SORCS1: variants seen among roughly 807,000 people sequenced by gnomAD.
SORCS1 encodes the protein sortilin related VPS10 domain containing receptor 1, also known as VPS10 domain-containing receptor SorCS1.
A neutral mutation model predicts 146.1 loss-of-function variants in SORCS1; 60 were observed. The ratio of observed to expected loss-of-function variants is 0.41; its 90% CI spans 0.33 to 0.51. The LOEUF (loss-of-function observed/expected upper bound fraction) is 0.51. Among genes scored for constraint, SORCS1 ranks in the 20% least tolerant of loss-of-function variants. The pLI, the probability that SORCS1 is intolerant of heterozygous loss-of-function variation, is 0.21. For missense variants in SORCS1, 1,352 were observed against 1,487.6 expected, an observed-to-expected ratio of 0.91 and a Z score of 1.50; for synonymous variants, 637 against 584.0, an observed-to-expected ratio of 1.09 and a Z score of -1.31.
At chr10:106,929,075 A>G (rs1953251878) in intron 2 of SORCS1, among the ~76,000 whole-genome samples, 1 of 152,196 alleles carries the variant, frequency 6.6e-6, no homozygotes, top group Non-Finnish European at 1.5e-5. Flanking sequence ...TCTCATAGGT[A>G]TGAAAGCAAT....
intron 9 of SORCS1, among the ~76,000 whole-genome samples, chr10:106,691,337 T>G (rs1423561841): frequency 1.3e-5 from 2 of 152,212 alleles, no homozygotes; most frequent in African/African-American, 4.8e-5. Flanking sequence ...AAAAGAATTG[T>G]TGCCTTTAAT....
chr10:106,962,394 C>CAAAAAAAAAA (rs60616146), intron 1 of SORCS1, among the ~76,000 whole-genome samples: 13 of 62,424 alleles, frequency 2.1e-4, no homozygotes, highest in Non-Finnish European at 2.5e-4. Flanking sequence ...AACTCCATCT[C>CAAAAAAAAAA]AAAAAAAAAA....
intron 2 of SORCS1, among the ~76,000 whole-genome samples, chr10:106,859,252 C>T (rs1320350512): frequency 6.6e-6 from 1 of 152,246 alleles, no homozygotes; most frequent in African/African-American, 2.4e-5. Context: ...GATTCCCTGG[C>T]ATTGTATCGT....
chr10:107,047,803 G>A (rs1171018100), intron 1 of SORCS1, among the ~76,000 whole-genome samples: 3 of 152,100 alleles, frequency 2.0e-5, no homozygotes, highest in Admixed American at 6.6e-5. Context: ...GAAGCTTGCC[G>A]GGTGCGTTGG....
At chr10:106,809,320 A>G (rs896352087) in intron 3 of SORCS1, among the ~76,000 whole-genome samples, 3 of 152,136 alleles carry the variant, frequency 2.0e-5, no homozygotes, top group African/African-American at 7.2e-5. Context: ...GGGACAGAAG[A>G]TGCCAGGGTT....
At chr10:106,944,874 C>T (rs61315046) in intron 2 of SORCS1, among the ~76,000 whole-genome samples, 4,758 of 35,840 alleles carry the variant, frequency 0.13, 422 homozygotes, top group African/African-American at 0.31. Flanking sequence ...AAAGAGCCTT[C>T]TTTTTTTTTT....
intron 1 of SORCS1, among the ~76,000 whole-genome samples, chr10:107,024,827 T>TA (rs974630989): frequency 1.7e-4 from 26 of 152,072 alleles, no homozygotes; most frequent in South Asian, 1.2e-3. Flanking sequence ...CATGGTCCTT[T>TA]AAAAAAAATG....
chr10:106,634,820 G>A (rs1848637549), intron 18 of SORCS1, among the ~76,000 whole-genome samples: 1 of 152,162 alleles, frequency 6.6e-6, no homozygotes, highest in Non-Finnish European at 1.5e-5. Flanking sequence ...GGAAAGTCTT[G>A]TGTATAATTA....
intron 1 of SORCS1, among the ~76,000 whole-genome samples, chr10:107,092,883 G>GAAAAAAAAAAA (rs34184443): frequency 4.9e-5 from 3 of 61,514 alleles, no homozygotes; most frequent in African/African-American, 6.2e-5. Flanking sequence ...AGAAGACCAT[G>GAAAAAAAAAAA]AAAAAAAAAA....
At chr10:106,904,825 T>C (rs1488615224) in intron 2 of SORCS1, among the ~76,000 whole-genome samples, 1 of 152,232 alleles carries the variant, frequency 6.6e-6, no homozygotes, top group Non-Finnish European at 1.5e-5. Context: ...ACTAGCAATG[T>C]TAATTTACTA....
At chr10:106,904,642 G>A (rs1468550018) in intron 2 of SORCS1, among the ~76,000 whole-genome samples, 2 of 152,178 alleles carry the variant, frequency 1.3e-5, no homozygotes, top group African/African-American at 2.4e-5. Flanking sequence ...ACAGCTACGT[G>A]GCGGAGTGCA....
intron 2 of SORCS1, among the ~76,000 whole-genome samples, chr10:106,898,067 T>C (rs1437879763): frequency 1.3e-5 from 2 of 152,180 alleles, no homozygotes; most frequent in African/African-American, 2.4e-5. Context: ...CTGGAAAACA[T>C]TGCCTGACGA....
chr10:106,765,305 C>T (rs1231682720), intron 4 of SORCS1, among the ~76,000 whole-genome samples: 2 of 152,072 alleles, frequency 1.3e-5, no homozygotes. Flanking sequence ...ACCCTCCACA[C>T]TGTCATTATG....
the SORCS1 span, among the ~76,000 whole-genome samples, chr10:107,176,109 T>C: frequency 1.3e-5 from 2 of 152,174 alleles, no homozygotes; most frequent in Non-Finnish European, 2.9e-5. Flanking sequence ...TCACACGTTT[T>C]GATATGACCC....
chr10:106,826,141 C>T (rs1346874914), intron 3 of SORCS1, among the ~76,000 whole-genome samples: 2 of 152,226 alleles, frequency 1.3e-5, no homozygotes, highest in Non-Finnish European at 2.9e-5. Flanking sequence ...CCTGCTGTTT[C>T]CAACATGATG....
chr10:106,804,782 C>A (rs1947081457), intron 3 of SORCS1, among the ~76,000 whole-genome samples: 1 of 151,942 alleles, frequency 6.6e-6, no homozygotes, highest in Non-Finnish European at 1.5e-5. Context: ...TTACAGCAAC[C>A]CCTGGTACAG....
At chr10:106,992,492 C>A (rs552463967) in intron 1 of SORCS1, among the ~76,000 whole-genome samples, 3 of 152,044 alleles carry the variant, frequency 2.0e-5, no homozygotes, top group Non-Finnish European at 4.4e-5. Flanking sequence ...CCAACTAATT[C>A]TTTTTCTTTT....
intron 1 of SORCS1, among the ~76,000 whole-genome samples, chr10:107,132,876 G>A (rs1181131256): frequency 4.6e-5 from 7 of 151,826 alleles, no homozygotes; most frequent in Middle Eastern, 3.2e-3. Flanking sequence ...AATAAAAAAC[G>A]AGACCTTGTA....
intron 17 of SORCS1, among the ~76,000 whole-genome samples, chr10:106,654,589 T>G (rs772583247): frequency 3.3e-5 from 5 of 152,244 alleles, no homozygotes; most frequent in Non-Finnish European, 5.9e-5. Flanking sequence ...AGGAGGTCCA[T>G]ACCAGTAACT....
Sources: allele counts gnomAD v4.1 joint callset (sites outside exome capture counted in the v4.1 genomes callset), GRCh38; gene constraint gnomAD v4.1.1; transcripts MANE v1.5; gene names NCBI Gene and HGNC (gene_info 2026-07-23, HGNC 2026-07-21).